Variants in XPR1 observed in about 807,000 individuals in gnomAD.
The protein encoded by XPR1 is solute carrier family 53 member 1.
In XPR1, 28 loss-of-function variants were observed where a neutral mutation model predicts 87.5. That is an observed-to-expected ratio of 0.32 (90% CI 0.24 to 0.44). XPR1 has a LOEUF of 0.44. Among genes scored for constraint, XPR1 ranks in the 20% least tolerant of loss-of-function variants. XPR1 has a pLI of 1.00. For synonymous variants in XPR1, 300 were observed against 306.1 expected (o/e 0.98, Z 0.21); for missense variants, 559 against 862.3 (o/e 0.65, Z 4.41).
chr1:180,884,301 A>C lies in XPR1; in HGVS notation c.*235A>C. On this transcript the variant is annotated 3_prime_UTR_variant, in exon 15 of 15. Coordinates refer to ENST00000367590, the MANE Select transcript of XPR1 (RefSeq NM_004736.4). ...AAAACAAATATTTACTTCATTTGCC[A>C]ATCAGAGGATGTTTTAAGAAACAAA... 2 of 430,936 alleles carry C rather than the reference A, an allele frequency of 4.6e-6. No homozygotes were observed. The highest frequency in any genetic ancestry group is 8.4e-6 in the Non-Finnish European group (2 of 237,646). 26.7% of individuals were successfully genotyped at this position (430,936 alleles called of 1,614,324 possible). A position where few individuals can be genotyped will look rare whatever the true frequency, so the allele number is the denominator to read the frequency against.
At chr1:180,849,949 ATT>A (rs1387422002) in intron 11 of XPR1, among the ~76,000 whole-genome samples, 1 of 152,124 alleles carries the variant, frequency 6.6e-6, no homozygotes, top group East Asian at 1.9e-4. Flanking sequence ...CAACAAAAAG[ATT>A]TTGTTTCTCC....
intron 1 of XPR1, among the ~76,000 whole-genome samples, chr1:180,679,939 A>G (rs1349651861): frequency 6.6e-6 from 1 of 152,186 alleles, no homozygotes; most frequent in African/African-American, 2.4e-5. Flanking sequence ...AAACAGAGTG[A>G]AAAAAGAACC....
chr1:180,742,055 T>A (rs1056662562), intron 2 of XPR1, among the ~76,000 whole-genome samples: 5 of 152,104 alleles, frequency 3.3e-5, no homozygotes, highest in Non-Finnish European at 7.4e-5. Flanking sequence ...TTGCTTGAGT[T>A]TTTTTGTTTG....
chr1:180,749,638 ATCAC>A (rs755720295), intron 2 of XPR1, among the ~76,000 whole-genome samples: 8 of 53,196 alleles, frequency 1.5e-4, no homozygotes, highest in Admixed American at 6.1e-4. Flanking sequence ...ACACATATAC[ATCAC>A]ACACACACAC....
rs146082143 is a variant in XPR1, at chr1:180,720,889, A to T, written c.121+38478A>T. Among the ~76,000 whole-genome samples, 6 of 152,324 alleles carry T rather than the reference A, an allele frequency of 3.9e-5. No homozygotes were observed. The East Asian group carries it at 1.2e-3, about 29-fold the overall frequency. On this transcript the variant is annotated intron_variant, in intron 2 of 14. Transcript: ENST00000367590. Reference sequence around the variant, plus strand: ...TATATATATCTCCATATCAGTATGTATAAAAGAATCAGAGGGTAAAATGAG... The same window carrying T: ...TATATATATCTCCATATCAGTATGTTTAAAAGAATCAGAGGGTAAAATGAG...
chr1:180,786,610 A>G (rs2102088961), intron 2 of XPR1, among the ~76,000 whole-genome samples: 1 of 152,316 alleles, frequency 6.6e-6, no homozygotes, highest in African/African-American at 2.4e-5. Flanking sequence ...GTAGGTTGAT[A>G]GGCTATGTGA....
chr1:180,660,099 T>C (rs566332256), intron 1 of XPR1, among the ~76,000 whole-genome samples: 2 of 152,286 alleles, frequency 1.3e-5, no homozygotes, highest in South Asian at 4.1e-4. Context: ...TCTTGTTTGG[T>C]TGTATGTGTC....
At chr1:180,807,004 A>C (rs1185090388) in intron 6 of XPR1, among the ~76,000 whole-genome samples, 1 of 152,226 alleles carries the variant, frequency 6.6e-6, no homozygotes, top group Admixed American at 6.5e-5. Context: ...AGTCATGCAA[A>C]GTATATTTTC....
At chr1:180,855,375 G>T (rs181748949) in intron 11 of XPR1, among the ~76,000 whole-genome samples, 5 of 151,996 alleles carry the variant, frequency 3.3e-5, no homozygotes, top group Non-Finnish European at 7.4e-5. Flanking sequence ...ACTTGAAAAG[G>T]GGTTTTTACA....
At chr1:180,860,803 A>C (rs777028484) in intron 11 of XPR1, among the ~76,000 whole-genome samples, 1 of 140,518 alleles carries the variant, frequency 7.1e-6, no homozygotes, top group Non-Finnish European at 1.6e-5. Context: ...GGATGTGACT[A>C]AAAAAAAAAA....
At chr1:180,645,807 C>G (rs935413424) in intron 1 of XPR1, among the ~76,000 whole-genome samples, 1 of 152,188 alleles carries the variant, frequency 6.6e-6, no homozygotes, top group African/African-American at 2.4e-5. Flanking sequence ...CTGTGGATGA[C>G]ACAGTACATA....
At chr1:180,711,948 G>A (rs1657814966) in intron 2 of XPR1, among the ~76,000 whole-genome samples, 1 of 152,118 alleles carries the variant, frequency 6.6e-6, no homozygotes, top group Non-Finnish European at 1.5e-5. Context: ...AACACCATTT[G>A]TTGAAAAGAC....
chr1:180,665,409 T>C (rs1489240529), intron 1 of XPR1, among the ~76,000 whole-genome samples: 2 of 152,146 alleles, frequency 1.3e-5, no homozygotes, highest in Non-Finnish European at 2.9e-5. Flanking sequence ...GTGGCCTGGT[T>C]CCTAACAGGC....
intron 2 of XPR1, among the ~76,000 whole-genome samples, chr1:180,721,315 C>T (rs1658173788): frequency 6.6e-6 from 1 of 151,642 alleles, no homozygotes; most frequent in Admixed American, 6.6e-5. Context: ...ATAAATTTAT[C>T]ATATCATTTT....
rs760610048 is a variant in XPR1 at position 180,836,722 on chromosome 1, C to T, written c.1501+6C>T. 1.8e-5 allele frequency: 29 copies of T among 1,613,050 alleles called. No individual in the cohort carries two copies. In the East Asian group the frequency reaches 6.5e-4, roughly 36 times the overall value. Reference sequence around the variant, plus strand: ...CCTTTACAGCACTCACAAAGGTATTCTGTGATTGACTCTGAAGAGATTTTT... The same window carrying T: ...CCTTTACAGCACTCACAAAGGTATTTTGTGATTGACTCTGAAGAGATTTTT... On this transcript the variant is annotated splice_donor_region_variant and intron_variant, in intron 11 of 14. Transcript: ENST00000367590.
chr1:180,865,759 G>A (rs1456623518), intron 12 of XPR1, among the ~76,000 whole-genome samples: 1 of 152,090 alleles, frequency 6.6e-6, no homozygotes, highest in Admixed American at 6.5e-5. Context: ...CTAACATAGT[G>A]ATTTCTAGGT....
chr1:180,711,377 C>G (rs1657785328), intron 2 of XPR1, among the ~76,000 whole-genome samples: 1 of 151,988 alleles, frequency 6.6e-6, no homozygotes, highest in Non-Finnish European at 1.5e-5. Context: ...CTCGGGAGGC[C>G]AAGGCTGGCA....
chr1:180,740,631 T>C (rs972008565), intron 2 of XPR1, among the ~76,000 whole-genome samples: 1 of 152,194 alleles, frequency 6.6e-6, no homozygotes, highest in Non-Finnish European at 1.5e-5. Flanking sequence ...TTTTGTTCTG[T>C]CTTAGTCTGA....
intron 4 of XPR1, 48 bp downstream of exon 4, chr1:180,803,659 A>T (rs1179879836): frequency 6.7e-7 from 1 of 1,484,904 alleles, no homozygotes; most frequent in Non-Finnish European, 9.3e-7. Flanking sequence ...GTAAATGAGA[A>T]ATTTCAATAA....
Sources: gnomAD v4.1 joint callset for allele counts (sites outside exome capture counted in the v4.1 genomes callset) on GRCh38, gnomAD v4.1.1 for gene constraint, MANE v1.5 for transcripts, NCBI Gene and HGNC (gene_info 2026-07-23, HGNC 2026-07-21) for gene names.